The following ARHGEF7 variants were observed in gnomAD, a reference collection of about 807,000 sequenced individuals.
The protein encoded by ARHGEF7 is PAK-interacting exchange factor beta.
Under a neutral mutation model 109.8 loss-of-function variants are expected in ARHGEF7, and 33 were observed. The ratio of observed to expected loss-of-function variants is 0.30; its 90% CI spans 0.23 to 0.40. The LOEUF (loss-of-function observed/expected upper bound fraction) is 0.40, where lower values mean the gene tolerates loss of function less well. Ranked by LOEUF, ARHGEF7 falls within the 10% of genes least tolerant of loss-of-function variation. The pLI is 1.00. For missense variants in ARHGEF7, 938 were observed against 1,098.5 expected (o/e 0.85, Z 2.07); for synonymous variants, 458 against 424.6 (o/e 1.08, Z -0.97).
intron 2 of ARHGEF7, among the ~76,000 whole-genome samples, chr13:111,191,290 C>T (rs2153446816): frequency 6.6e-6 from 1 of 152,176 alleles, no homozygotes; most frequent in Admixed American, 6.5e-5. Context: ...GCCCCAGGGG[C>T]AGGCCTGATA....
intron 9 of ARHGEF7, among the ~76,000 whole-genome samples, chr13:111,268,662 C>G (rs1262903751): frequency 6.6e-6 from 1 of 152,134 alleles, no homozygotes; most frequent in African/African-American, 2.4e-5. Flanking sequence ...TCGGCTCTGG[C>G]TGTGGCTGCT....
intron 2 of ARHGEF7, among the ~76,000 whole-genome samples, chr13:111,173,561 A>G (rs1175009526): frequency 6.6e-6 from 1 of 152,226 alleles, no homozygotes; most frequent in Admixed American, 6.5e-5. Flanking sequence ...CACTGGGGAC[A>G]CAGTGTATTC....
rs1164481374 is a variant in ARHGEF7 at position 111,292,302 on chromosome 13, C to CTGTT, written c.2311+9_2311+12dup. On this transcript the variant is annotated intron_variant, in intron 19 of 21. Transcript: ENST00000646102. ...GAATGGGTTCTACATCTCGTAAGAG[C>CTGTT]TGTTGCTCATATATCTCTCACCAGA... The CTGTT allele has an allele frequency of 6.2e-7, 1 of 1,614,226 alleles. No individual in the cohort carries two copies. Among genetic ancestry groups the CTGTT allele is most frequent in the Non-Finnish European group, 8.5e-7 (1 of 1,180,030 alleles).
At chr13:111,293,846 A>G in intron 19 of ARHGEF7, 1 of 985,392 alleles carries the variant, frequency 1.0e-6, no homozygotes, top group East Asian at 1.1e-4. Context: ...ACTCTGATGC[A>G]GTATCAGTCT....
At chr13:111,203,059 C>G (rs1367542476) in intron 2 of ARHGEF7, 2 of 1,272,112 alleles carry the variant, frequency 1.6e-6, no homozygotes, top group Non-Finnish European at 2.0e-6. Context: ...CAGGAAACTT[C>G]ACATTTTTCA....
chr13:111,301,303 G>C (rs1250637261), intron 20 of ARHGEF7, among the ~76,000 whole-genome samples, 175 bp from the exon 21 acceptor site: 1 of 152,174 alleles, frequency 6.6e-6, no homozygotes, highest in Non-Finnish European at 1.5e-5. Flanking sequence ...GACTAGGCTT[G>C]AACCTGCCAT....
chr13:111,291,635 G>A (rs2093288984), intron 18 of ARHGEF7, among the ~76,000 whole-genome samples: 1 of 152,226 alleles, frequency 6.6e-6, no homozygotes, highest in Admixed American at 6.5e-5. Context: ...AAATTATTTT[G>A]CATTTGATAC....
At chr13:111,296,493 C>T (rs948864237) in intron 19 of ARHGEF7, among the ~76,000 whole-genome samples, 1 of 152,082 alleles carries the variant, frequency 6.6e-6, no homozygotes, top group Non-Finnish European at 1.5e-5. Flanking sequence ...TTGGAGTCCT[C>T]GAGTTTGAGA....
At chr13:111,257,929 C>T (rs1205128850) in intron 8 of ARHGEF7, among the ~76,000 whole-genome samples, 1 of 152,216 alleles carries the variant, frequency 6.6e-6, no homozygotes, top group Non-Finnish European at 1.5e-5. Context: ...TGAGTTCTGG[C>T]AGGCCCCGCC....
At chr13:111,187,478 T>G (rs941870499) in intron 2 of ARHGEF7, among the ~76,000 whole-genome samples, 1 of 152,266 alleles carries the variant, frequency 6.6e-6, no homozygotes, top group Non-Finnish European at 1.5e-5. Context: ...CTGACTTGTT[T>G]GTTGTGCGAA....
chr13:111,224,181 T>C (rs1004267524), intron 5 of ARHGEF7, among the ~76,000 whole-genome samples: 6 of 152,164 alleles, frequency 3.9e-5, no homozygotes, highest in Admixed American at 6.5e-5. Flanking sequence ...CAGGCTGATA[T>C]GTATTTGTGT....
intron 5 of ARHGEF7, among the ~76,000 whole-genome samples, chr13:111,223,573 T>C (rs188983484): frequency 8.5e-4 from 129 of 152,312 alleles, no homozygotes; most frequent in African/African-American, 3.0e-3. Context: ...ATTGGTGGTT[T>C]GCCCTCTTGT....
chr13:111,286,559 A>G (rs2093028881), intron 17 of ARHGEF7, among the ~76,000 whole-genome samples: 1 of 151,644 alleles, frequency 6.6e-6, no homozygotes, highest in South Asian at 2.1e-4. Context: ...AAGATATTCC[A>G]CCCACACTTC....
chr13:111,304,872 TG>T lies in ARHGEF7; in HGVS notation c.*1760del, dbSNP rs2093626558. 2 of 152,262 alleles carry T rather than the reference TG, an allele frequency of 1.3e-5. No homozygotes were observed. The highest frequency in any genetic ancestry group is 4.8e-5 in the African/African-American group (2 of 41,466). 9.4% of individuals were successfully genotyped at this position (152,262 alleles called of 1,614,324 possible). On this transcript the variant is annotated 3_prime_UTR_variant, in exon 22 of 22. Coordinates refer to ENST00000646102, the MANE Select transcript of ARHGEF7 (RefSeq NM_001354046.2). ...TCAACACTTTCTTTTTTGGTAAGCT[TG>T]AGTTTTACAAGTTATTTTTTGGTGA...
intron 4 of ARHGEF7, among the ~76,000 whole-genome samples, chr13:111,215,588 A>G (rs1210208049): frequency 6.6e-6 from 1 of 152,204 alleles, no homozygotes; most frequent in Non-Finnish European, 1.5e-5. Context: ...GTTGTATGCT[A>G]TGACTGTTCT....
intron 1 of ARHGEF7, among the ~76,000 whole-genome samples, chr13:111,147,148 A>G (rs2075635431): frequency 6.6e-6 from 1 of 152,194 alleles, no homozygotes; most frequent in Non-Finnish European, 1.5e-5. Flanking sequence ...ATTATAAATA[A>G]AGCTATGAAC....
chr13:111,251,157 G>T (rs866483957), intron 8 of ARHGEF7, among the ~76,000 whole-genome samples: 1 of 152,192 alleles, frequency 6.6e-6, no homozygotes, highest in African/African-American at 2.4e-5. Context: ...GAGTTACCTC[G>T]TTAGCATAGA....
intron 18 of ARHGEF7, among the ~76,000 whole-genome samples, chr13:111,290,879 C>T (rs1040725307): frequency 6.6e-6 from 1 of 152,192 alleles, no homozygotes; most frequent in Admixed American, 6.5e-5. Context: ...GGTATACTTA[C>T]TCAAGGTGTC....
At chr13:111,293,097 C>G in intron 19 of ARHGEF7, 1 of 985,446 alleles carries the variant, frequency 1.0e-6, no homozygotes, top group African/African-American at 1.7e-5. Flanking sequence ...AGGCACATAG[C>G]AAGCCTGTAC....
Sources: allele counts gnomAD v4.1 joint callset (sites outside exome capture counted in the v4.1 genomes callset), GRCh38; gene constraint gnomAD v4.1.1; transcripts MANE v1.5; gene names NCBI Gene and HGNC (gene_info 2026-07-23, HGNC 2026-07-21).